Variants in AOPEP observed in about 807,000 individuals in gnomAD.
The protein encoded by AOPEP is aminopeptidase O (putative), also known as aminopeptidase O.
A neutral mutation model predicts 98.1 loss-of-function variants in AOPEP; 77 were observed. The observed-to-expected ratio is 0.78, with a 90% CI of 0.65 to 0.95. The LOEUF (loss-of-function observed/expected upper bound fraction) is 0.95. Among genes scored for constraint, AOPEP ranks in the 40% least tolerant of loss-of-function variants. AOPEP has a pLI of 0.00. For synonymous variants in AOPEP, 346 were observed against 365.3 expected (o/e 0.95, Z 0.60); for missense variants, 1,024 against 1,024.7 (o/e 1.00, Z 0.01).
rs2062054482 is a variant in AOPEP, at chr9:95,006,763, G to T, written c.2115+1147G>T. On this transcript the variant is annotated intron_variant, in intron 13 of 16. Coordinates refer to ENST00000375315, the MANE Select transcript of AOPEP (RefSeq NM_001193329.3). ...GAGTTTTCTGACCATACCTCAGCAT[G>T]GTATGGTAAGTTGTGTTTAATGGTT... Among the ~76,000 whole-genome samples, 3 of 151,982 alleles carry T rather than the reference G, an allele frequency of 2.0e-5. No individual in the cohort carries two copies. The South Asian group carries it at 6.2e-4, about 32-fold the overall frequency.
At chr9:94,880,137 A>G (rs1542107) in intron 5 of AOPEP, among the ~76,000 whole-genome samples, 131,182 of 152,140 alleles carry the variant, frequency 0.86, 57,890 homozygotes, top group Non-Finnish European at 0.95. Flanking sequence ...CTGATTTAAC[A>G]TGCACATCGG....
chr9:95,115,208 C>G, the AOPEP span, among the ~76,000 whole-genome samples: 4 of 152,104 alleles, frequency 2.6e-5, no homozygotes, highest in African/African-American at 9.7e-5. Flanking sequence ...TCCCAAAGTG[C>G]TGGAATTACA....
At chr9:95,044,393 G>A (rs1435133127) in intron 13 of AOPEP, among the ~76,000 whole-genome samples, 2 of 152,032 alleles carry the variant, frequency 1.3e-5, no homozygotes, top group South Asian at 2.1e-4. Context: ...GGGGGTGGGA[G>A]TGAGGGGGGA....
At chr9:94,736,104 T>A (rs1831702516) in intron 1 of AOPEP, among the ~76,000 whole-genome samples, 1 of 152,218 alleles carries the variant, frequency 6.6e-6, no homozygotes, top group Non-Finnish European at 1.5e-5. Context: ...TGTGCGTATG[T>A]TTTTTAAAAC....
intron 13 of AOPEP, among the ~76,000 whole-genome samples, chr9:95,033,139 G>A (rs6479591): frequency 0.78 from 119,288 of 152,144 alleles, 48,301 homozygotes; most frequent in Non-Finnish European, 0.89. Flanking sequence ...TCTCGGAGAC[G>A]GTTCCTTACC....
At chr9:94,744,408 A>C (rs1376949662) in intron 1 of AOPEP, among the ~76,000 whole-genome samples, 1 of 151,736 alleles carries the variant, frequency 6.6e-6, no homozygotes, top group African/African-American at 2.4e-5. Flanking sequence ...CAACAACAAC[A>C]AAATATGGTG....
intron 15 of AOPEP, 77 bp downstream of exon 15, chr9:95,080,857 T>C (rs769918190): frequency 1.1e-6 from 1 of 950,736 alleles, no homozygotes; most frequent in South Asian, 1.3e-5. Flanking sequence ...ACGTTCTCAG[T>C]ATCTCTTTCA....
chr9:95,064,326 G>T (rs887942977), intron 14 of AOPEP, among the ~76,000 whole-genome samples: 1 of 152,192 alleles, frequency 6.6e-6, no homozygotes, highest in South Asian at 2.1e-4. Flanking sequence ...ACGGAGTCTC[G>T]CTGTGTCTCC....
intron 5 of AOPEP, among the ~76,000 whole-genome samples, chr9:94,861,810 T>A (rs1427382518): frequency 6.6e-6 from 1 of 152,218 alleles, no homozygotes; most frequent in Non-Finnish European, 1.5e-5. Context: ...ATCCTCCCTG[T>A]AACTGCATGG....
At chr9:94,974,903 T>C (rs1239409555) in intron 10 of AOPEP, among the ~76,000 whole-genome samples, 2 of 152,230 alleles carry the variant, frequency 1.3e-5, no homozygotes, top group African/African-American at 4.8e-5. Flanking sequence ...TCTCAATTTC[T>C]TGGAACCTGT....
chr9:95,142,195 G>A, the AOPEP span, among the ~76,000 whole-genome samples: 6 of 151,980 alleles, frequency 3.9e-5, 1 homozygote, highest in Middle Eastern at 6.8e-3. Context: ...ATTTTACCAC[G>A]TTGGCCAGGC....
At chr9:95,066,849 A>G (rs996019348) in intron 14 of AOPEP, among the ~76,000 whole-genome samples, 2 of 152,180 alleles carry the variant, frequency 1.3e-5, no homozygotes, top group Non-Finnish European at 1.5e-5. Flanking sequence ...TCTCGAGTGG[A>G]ATTAATGCAT....
At chr9:94,887,172 C>T (rs993922317) in intron 5 of AOPEP, among the ~76,000 whole-genome samples, 23 of 151,044 alleles carry the variant, frequency 1.5e-4, no homozygotes, top group Non-Finnish European at 1.5e-5. Context: ...GAGACCCCCC[C>T]CGTCTCTACA....
At chr9:95,146,946 T>C in the AOPEP span, among the ~76,000 whole-genome samples, 1 of 151,810 alleles carries the variant, frequency 6.6e-6, no homozygotes, top group Non-Finnish European at 1.5e-5. Flanking sequence ...TGTAGTAATA[T>C]ATATTTTTTA....
At chr9:94,778,187 A>G (rs547977658) in intron 3 of AOPEP, among the ~76,000 whole-genome samples, 2 of 152,302 alleles carry the variant, frequency 1.3e-5, no homozygotes, top group Admixed American at 6.5e-5. Context: ...ACTCTCATAC[A>G]TTGCTGGTGA....
intron 11 of AOPEP, among the ~76,000 whole-genome samples, chr9:94,992,236 G>A (rs1439975869): frequency 5.9e-5 from 9 of 152,198 alleles, no homozygotes; most frequent in Non-Finnish European, 1.0e-4. Flanking sequence ...AAAGGCCAGC[G>A]TTCTTGTCAC....
At chr9:94,808,183 G>C (rs949134255) in intron 5 of AOPEP, among the ~76,000 whole-genome samples, 1 of 152,082 alleles carries the variant, frequency 6.6e-6, no homozygotes, top group Non-Finnish European at 1.5e-5. Context: ...GGGGCTACAG[G>C]TGCACGCTGC....
chr9:94,952,878 G>A (rs1261589286), intron 7 of AOPEP, among the ~76,000 whole-genome samples: 1 of 152,240 alleles, frequency 6.6e-6, no homozygotes, highest in African/African-American at 2.4e-5. Flanking sequence ...TGGAGAGGAT[G>A]GAAGAAGAGA....
intron 16 of AOPEP, chr9:95,086,169 G>C: frequency 7.5e-7 from 1 of 1,330,058 alleles, no homozygotes; most frequent in Non-Finnish European, 1.0e-6. Context: ...GCGGCAGACA[G>C]GCCCGCGTCC....
Sources: gnomAD v4.1 joint callset for allele counts (sites outside exome capture counted in the v4.1 genomes callset) on GRCh38, gnomAD v4.1.1 for gene constraint, MANE v1.5 for transcripts, NCBI Gene and HGNC (gene_info 2026-07-23, HGNC 2026-07-21) for gene names.